Variants in AGO2 observed in about 807,000 individuals in gnomAD.
AGO2 encodes protein argonaute-2.
Under a neutral mutation model 102.3 loss-of-function variants are expected in AGO2, and 5 were observed. The observed-to-expected ratio is 0.05, with a 90% CI of 0.03 to 0.10. AGO2 has a LOEUF of 0.10. Among genes scored for constraint, AGO2 ranks in the 10% least tolerant of loss-of-function variants. AGO2 has a pLI of 1.00. For missense variants in AGO2, 541 were observed against 1,183.7 expected (o/e 0.46, Z 7.97); for synonymous variants, 449 against 473.1 (o/e 0.95, Z 0.66).
chr8:140,549,044 C>G, intron 12 of AGO2, 70 bp downstream of exon 12: 2 of 1,511,678 alleles, frequency 1.3e-6, no homozygotes, highest in Non-Finnish European at 1.8e-6. Context: ...CACAGAGGGG[C>G]TTAGGCAGGA....
intron 1 of AGO2, among the ~76,000 whole-genome samples, chr8:140,633,177 A>C (rs1187605488): frequency 6.6e-6 from 1 of 151,982 alleles, no homozygotes; most frequent in Non-Finnish European, 1.5e-5. Context: ...TCCCAATGTA[A>C]TTTTTCTATA....
chr8:140,569,607 C>A (rs781376032), intron 3 of AGO2, among the ~76,000 whole-genome samples: 6 of 152,230 alleles, frequency 3.9e-5, no homozygotes, highest in Non-Finnish European at 5.9e-5. Flanking sequence ...AGGCATGGAG[C>A]TGGACCCAGA....
At chr8:140,585,446 A>T (rs2073641623) in intron 1 of AGO2, 135 bp from the exon 2 acceptor site, 2 of 941,538 alleles carry the variant, frequency 2.1e-6, no homozygotes, top group African/African-American at 3.3e-5. Context: ...TGCATTCCAC[A>T]GAGGAGGCGT....
In AGO2 at chr8:140,585,208, G is replaced by C. The variant is rs2073634829; in HGVS notation, c.126C>G (p.Ala42=). The C allele has an allele frequency of 3.7e-6, 6 of 1,614,134 alleles. No homozygotes were observed. Among genetic ancestry groups the C allele is most frequent in the Non-Finnish European group, 5.1e-6 (6 of 1,180,018 alleles). The change falls in exon 2 of 19, where the codon GCC becomes GCG. Residue 42 remains alanine (A), a synonymous_variant. Transcript: ENST00000220592. ...GTSGRTIKLQ[A]NFFEMDIPKI... is the part of the protein sequence containing the mutation. Reference sequence around the variant, plus strand: ...TGGGGATGTCCATTTCGAAGAAATTGGCCTGTAATTTGATTGTTCTCCCGG... The same window carrying C: ...TGGGGATGTCCATTTCGAAGAAATTCGCCTGTAATTTGATTGTTCTCCCGG...
At chr8:140,569,865 G>A (rs1470398080) in intron 3 of AGO2, among the ~76,000 whole-genome samples, 4 of 152,182 alleles carry the variant, frequency 2.6e-5, no homozygotes, top group South Asian at 2.1e-4. Context: ...GTGTAAGGGC[G>A]ATGTGACACG....
At chr8:140,607,495 TATATATATATATATATATATAC>T (rs1366086345) in intron 1 of AGO2, among the ~76,000 whole-genome samples, 583 of 11,526 alleles carry the variant, frequency 0.051, 25 homozygotes, top group Non-Finnish European at 0.076. Flanking sequence ...TATATATATA[TATATATATATATATATATATAC>T]ACACACACAC....
intron 1 of AGO2, among the ~76,000 whole-genome samples, chr8:140,590,634 C>T (rs1588485038): frequency 6.6e-6 from 1 of 152,204 alleles, no homozygotes; most frequent in Admixed American, 6.5e-5. Flanking sequence ...GGGGAGGCTG[C>T]TCCTGCCTCT....
In AGO2 at chr8:140,553,139, T is replaced by C. The variant is rs574870089; in HGVS notation, c.1270-1703A>G. Among the ~76,000 whole-genome samples the C allele has an allele frequency of 4.6e-5, 7 of 152,282 alleles. No homozygotes were observed. In the South Asian group the frequency reaches 6.2e-4, roughly 14 times the overall value. On this transcript the variant is annotated intron_variant, in intron 10 of 18. Transcript: ENST00000220592. ...TCAGTCAGGTGCAGTGGCTTACACC[T>C]GTAATCCCAGCTGAGGTGGGAGGAC...
At chr8:140,641,174 C>T in the AGO2 span, among the ~76,000 whole-genome samples, 1 of 151,884 alleles carries the variant, frequency 6.6e-6, no homozygotes, top group Non-Finnish European at 1.5e-5. Flanking sequence ...GCTTGTAGTC[C>T]CAGCTACTCA....
At chr8:140,590,236 G>A (rs367961650) in intron 1 of AGO2, among the ~76,000 whole-genome samples, 4 of 152,270 alleles carry the variant, frequency 2.6e-5, no homozygotes, top group East Asian at 1.9e-4. Flanking sequence ...CCCTCCCCCC[G>A]GTCTGACTCC....
chr8:140,565,095 T>C (rs566710977), intron 3 of AGO2, among the ~76,000 whole-genome samples: 119 of 136,180 alleles, frequency 8.7e-4, no homozygotes, highest in African/African-American at 3.1e-3. Flanking sequence ...GATCGCACCA[T>C]ACTCCAGCTT....
At chr8:140,546,222 C>G (rs944952209) in intron 13 of AGO2, among the ~76,000 whole-genome samples, 1 of 152,230 alleles carries the variant, frequency 6.6e-6, no homozygotes, top group Non-Finnish European at 1.5e-5. Context: ...CCGTTCCACT[C>G]GGAATCCAGG....
intron 11 of AGO2, among the ~76,000 whole-genome samples, chr8:140,550,065 G>A (rs1328833207): frequency 6.6e-6 from 1 of 152,210 alleles, no homozygotes; most frequent in Non-Finnish European, 1.5e-5. Context: ...AGGGGCCAAG[G>A]ACAAAAGAAG....
intron 3 of AGO2, among the ~76,000 whole-genome samples, chr8:140,568,120 AAAAAG>A: frequency 7.1e-6 from 1 of 141,210 alleles, no homozygotes; most frequent in Non-Finnish European, 1.6e-5. Context: ...AAAAAAAAAA[AAAAAG>A]AAAAGAAAAT....
intron 18 of AGO2, 78 bp downstream of exon 18, chr8:140,532,338 C>T (rs1277090004): frequency 6.6e-7 from 1 of 1,518,700 alleles, no homozygotes; most frequent in Admixed American, 1.9e-5. Flanking sequence ...CTGCCCCTTC[C>T]CCTTCCAGAA....
At position 140,551,406 on chromosome 8, in the gene AGO2, C is replaced by T; in HGVS notation, c.1300G>A (p.Val434Ile). The T allele has an allele frequency of 6.3e-7, 1 of 1,588,884 alleles. No individual in the cohort carries two copies. Among genetic ancestry groups the T allele is most frequent in the Non-Finnish European group, 8.6e-7 (1 of 1,163,416 alleles). Residue 434 changes from valine to isoleucine, a missense_variant, in exon 11 of 19, where the codon GTC becomes ATC. By Grantham distance (29) the Val-to-Ile change is conservative (BLOSUM62 3). Transcript: ENST00000220592. ...AACTGCTTGTTCCGCATGTCCCAGACGCCCTGGACAGGGGTCGCAATAGCT... is the reference window on the plus strand; with the variant it reads ...AACTGCTTGTTCCGCATGTCCCAGATGCCCTGGACAGGGGTCGCAATAGCT... ...NKAIATPVQG[V>I]WDMRNKQFHT...
At position 140,613,722 on chromosome 8, in the gene AGO2, T is replaced by C. The variant is rs75619929; in HGVS notation, c.22+21763A>G. 2.7e-3 allele frequency among the ~76,000 whole-genome samples: 411 copies of C among 152,122 alleles called. 1 individual carries two copies. The highest frequency in any genetic ancestry group is 9.5e-3 in the African/African-American group (394 of 41,496). On this transcript the variant is annotated intron_variant, in intron 1 of 18. Transcript: ENST00000220592. ...TTCGGGTCTGGTTTCTATCACACTA[T>C]AAAGAACAGCTGGCCAGGCATGGTA...
At chr8:140,611,113 TTG>T (rs2074071129) in intron 1 of AGO2, among the ~76,000 whole-genome samples, 1 of 152,122 alleles carries the variant, frequency 6.6e-6, no homozygotes. Flanking sequence ...CCAGAGCGGC[TTG>T]TGTTTTCCCT....
chr8:140,554,784 C>T (rs983235264), intron 10 of AGO2, among the ~76,000 whole-genome samples: 7 of 151,998 alleles, frequency 4.6e-5, no homozygotes, highest in African/African-American at 7.3e-5. Flanking sequence ...CTCCACCTCC[C>T]GGGTTCAAGG....
Sources: gnomAD v4.1 joint callset for allele counts (sites outside exome capture counted in the v4.1 genomes callset) on GRCh38, gnomAD v4.1.1 for gene constraint, MANE v1.5 for transcripts, NCBI Gene and HGNC (gene_info 2026-07-23, HGNC 2026-07-21) for gene names.